The following EPHA7 variants were observed in gnomAD, a reference collection of about 807,000 sequenced individuals.
The protein encoded by EPHA7 is ephrin type-A receptor 7.
In EPHA7, 25 loss-of-function variants were observed where a neutral mutation model predicts 112.6. The observed-to-expected ratio is 0.22, with a 90% CI of 0.16 to 0.31. EPHA7 has a LOEUF of 0.31. EPHA7 is among the 10% of genes least tolerant of loss of function. The probability of loss-of-function intolerance (pLI) is 1.00; values close to 1 mark genes in which losing one functional copy is unlikely to be tolerated. For missense variants in EPHA7, 962 were observed against 1,212.6 expected (o/e 0.79, Z 3.07); for synonymous variants, 437 against 406.5 (o/e 1.07, Z -0.90).
chr6:93,339,428 G>T (rs1019343449), intron 5 of EPHA7, among the ~76,000 whole-genome samples: 2 of 151,744 alleles, frequency 1.3e-5, no homozygotes, highest in African/African-American at 4.8e-5. Flanking sequence ...TTATAGCAAA[G>T]AATTCAATTC....
At chr6:93,291,593 C>A (rs1772372459) in intron 5 of EPHA7, among the ~76,000 whole-genome samples, 1 of 148,900 alleles carries the variant, frequency 6.7e-6, no homozygotes. Context: ...ACGGTGAAAC[C>A]CCGTCTCTAC....
At chr6:93,315,066 G>T (rs1044507126) in intron 5 of EPHA7, among the ~76,000 whole-genome samples, 1 of 149,650 alleles carries the variant, frequency 6.7e-6, no homozygotes, top group African/African-American at 2.5e-5. Context: ...GTTTCACCGT[G>T]TTAGCCAGGA....
At chr6:93,288,883 C>T (rs181006152) in intron 5 of EPHA7, among the ~76,000 whole-genome samples, 4 of 152,098 alleles carry the variant, frequency 2.6e-5, no homozygotes, top group Admixed American at 1.3e-4. Flanking sequence ...AATTGGCATG[C>T]GTTTGTATGA....
At chr6:93,277,147 T>C (rs999374984) in intron 5 of EPHA7, among the ~76,000 whole-genome samples, 2 of 152,066 alleles carry the variant, frequency 1.3e-5, no homozygotes, top group Non-Finnish European at 2.9e-5. Context: ...CAGCAAGAAA[T>C]TCATTTTTAG....
chr6:93,282,141 T>C (rs1771776520), intron 5 of EPHA7, among the ~76,000 whole-genome samples: 1 of 152,180 alleles, frequency 6.6e-6, no homozygotes, highest in Non-Finnish European at 1.5e-5. Context: ...GTAAATCATG[T>C]ATTTAAACAA....
intron 5 of EPHA7, among the ~76,000 whole-genome samples, chr6:93,320,343 G>A (rs909972445): frequency 2.0e-5 from 3 of 151,902 alleles, no homozygotes; most frequent in Non-Finnish European, 2.9e-5. Context: ...AGTACATTTC[G>A]AATAAAGATT....
At chr6:93,285,024 C>G (rs1487970794) in intron 5 of EPHA7, among the ~76,000 whole-genome samples, 4 of 152,088 alleles carry the variant, frequency 2.6e-5, no homozygotes. Flanking sequence ...AAAAACTTAT[C>G]ATTTCAATTG....
In EPHA7 at chr6:93,313,302, G is replaced by T. The variant is rs533754681; in HGVS notation, c.1325-40880C>A. On this transcript the variant is annotated intron_variant, in intron 5 of 16. Transcript: ENST00000369303. ...ACACTGGTGGTAATGTTTTCAAAAA[G>T]ATTTCATTTCATGAGAAAATGATGC... Among the ~76,000 whole-genome samples, 10 of 152,138 alleles carry T rather than the reference G, an allele frequency of 6.6e-5. No individual in the cohort carries two copies. The South Asian group carries it at 2.1e-3, about 32-fold the overall frequency.
rs568564807 is a variant in EPHA7 at position 93,331,696 on chromosome 6, C to T, written c.1324+25021G>A. Among the ~76,000 whole-genome samples the T allele has an allele frequency of 8.3e-4, 126 of 151,636 alleles. No homozygotes were observed. In the Middle Eastern group the frequency reaches 0.014, roughly 16 times the overall value. ...ATTGAGGCAATGTTGCTTTCTCATC[C>T]AATAACTTCCCCATGTAATTTGTAT... On this transcript the variant is annotated intron_variant, in intron 5 of 16. Coordinates refer to ENST00000369303, the MANE Select transcript of EPHA7 (RefSeq NM_004440.4).
At chr6:93,272,786 A>T (rs2127883079) in intron 5 of EPHA7, among the ~76,000 whole-genome samples, 1 of 152,096 alleles carries the variant, frequency 6.6e-6, no homozygotes, top group African/African-American at 2.4e-5. Flanking sequence ...TTTCACATGC[A>T]ACAGCAATAC....
chr6:93,399,253 C>T (rs1562156636), intron 3 of EPHA7, among the ~76,000 whole-genome samples: 1 of 151,936 alleles, frequency 6.6e-6, no homozygotes, highest in Non-Finnish European at 1.5e-5. Flanking sequence ...TTCTTTTGTT[C>T]TAAAATACCA....
intron 5 of EPHA7, among the ~76,000 whole-genome samples, chr6:93,304,046 A>T (rs1449127355): frequency 1.3e-5 from 2 of 151,972 alleles, no homozygotes; most frequent in Non-Finnish European, 2.9e-5. Flanking sequence ...CACTCAAACG[A>T]AGAGGACATT....
chr6:93,246,783 A>G lies in EPHA7; in HGVS notation c.2726+9T>C. 6.3e-7 allele frequency: 1 copy of G among 1,591,852 alleles called. No individual in the cohort carries two copies. Among genetic ancestry groups the G allele is most frequent in the East Asian group, 2.3e-5 (1 of 44,306 alleles). ...TCTCCCAGATTCCATTCCCTTAGGC[A>G]TTTCTTACCTACTACAAGTTCCCAG... On this transcript the variant is annotated intron_variant, in intron 15 of 16. Transcript: ENST00000369303.
chr6:93,275,378 AG>A (rs1224685119), intron 5 of EPHA7, among the ~76,000 whole-genome samples: 2 of 151,998 alleles, frequency 1.3e-5, no homozygotes, highest in African/African-American at 2.4e-5. Flanking sequence ...AATTTTTAGT[AG>A]GTTTTCTAAC....
At chr6:93,395,403 G>T (rs964285746) in intron 3 of EPHA7, among the ~76,000 whole-genome samples, 1 of 151,824 alleles carries the variant, frequency 6.6e-6, no homozygotes, top group Non-Finnish European at 1.5e-5. Context: ...TTTAGAGACA[G>T]AAGAAAGCCA....
chr6:93,338,362 A>G (rs1733894030), intron 5 of EPHA7, among the ~76,000 whole-genome samples: 1 of 152,022 alleles, frequency 6.6e-6, no homozygotes, highest in Non-Finnish European at 1.5e-5. Flanking sequence ...ATAGCTTAAA[A>G]CCAATCAAAT....
chr6:93,409,058 T>C (rs1778851173), intron 3 of EPHA7, among the ~76,000 whole-genome samples: 1 of 152,036 alleles, frequency 6.6e-6, no homozygotes, highest in South Asian at 2.1e-4. Context: ...TTAATAGTCA[T>C]TTTTCAAAAC....
intron 5 of EPHA7, among the ~76,000 whole-genome samples, chr6:93,356,493 G>A (rs755694424): frequency 3.3e-5 from 5 of 152,042 alleles, no homozygotes; most frequent in Admixed American, 6.6e-5. Context: ...GTGAGCCACC[G>A]CGCCTGGCCA....
chr6:93,400,185 C>T (rs918280270), intron 3 of EPHA7, among the ~76,000 whole-genome samples: 1 of 151,934 alleles, frequency 6.6e-6, no homozygotes, highest in Non-Finnish European at 1.5e-5. Flanking sequence ...TATTATGAAA[C>T]ATTTTAAAAA....
Sources: gnomAD v4.1 joint callset for allele counts (sites outside exome capture counted in the v4.1 genomes callset) on GRCh38, gnomAD v4.1.1 for gene constraint, MANE v1.5 for transcripts, NCBI Gene and HGNC (gene_info 2026-07-23, HGNC 2026-07-21) for gene names.